The following KCTD8 variants were observed in gnomAD, a reference collection of about 807,000 sequenced individuals.
KCTD8 encodes potassium channel tetramerization domain containing 8, also known as BTB/POZ domain-containing protein KCTD8.
Under a neutral mutation model 31.5 loss-of-function variants are expected in KCTD8, and 27 were observed. That is an observed-to-expected ratio of 0.86 (90% CI 0.63 to 1.18). KCTD8 has a LOEUF of 1.18. Among genes scored for constraint, KCTD8 ranks in the 50% most tolerant of loss-of-function variants. The pLI, the probability that KCTD8 is intolerant of heterozygous loss-of-function variation, is 0.00. For missense variants in KCTD8, 658 were observed against 647.7 expected (o/e 1.02, Z -0.17); for synonymous variants, 290 against 280.0 (o/e 1.04, Z -0.36).
At chr4:44,225,155 C>A (rs774394252) in intron 1 of KCTD8, among the ~76,000 whole-genome samples, 3 of 152,240 alleles carry the variant, frequency 2.0e-5, no homozygotes, top group Non-Finnish European at 2.9e-5. Flanking sequence ...ATCAGATAAG[C>A]TCTATCCCAC....
intron 1 of KCTD8, among the ~76,000 whole-genome samples, chr4:44,182,764 A>G (rs1396263344): frequency 6.6e-6 from 1 of 152,168 alleles, no homozygotes; most frequent in Non-Finnish European, 1.5e-5. Flanking sequence ...CCTCTGCAAG[A>G]AACACCCAAG....
chr4:44,187,990 C>CACACAT (rs1553891508), intron 1 of KCTD8, among the ~76,000 whole-genome samples: 2 of 142,142 alleles, frequency 1.4e-5, no homozygotes, highest in African/African-American at 5.3e-5. Flanking sequence ...CACACACACA[C>CACACAT]ATATATATAT....
At chr4:44,222,090 T>C (rs1560398702) in intron 1 of KCTD8, among the ~76,000 whole-genome samples, 1 of 152,176 alleles carries the variant, frequency 6.6e-6, no homozygotes, top group Admixed American at 6.5e-5. Context: ...TCAGGAATGA[T>C]CTCTTTAAAT....
chr4:44,434,472 AGG>A (rs932732366), intron 1 of KCTD8, among the ~76,000 whole-genome samples: 2 of 151,930 alleles, frequency 1.3e-5, no homozygotes, highest in African/African-American at 2.4e-5. Context: ...TATTAACTAA[AGG>A]AAATAGGGTA....
chr4:44,191,563 T>C (rs534632638), intron 1 of KCTD8, among the ~76,000 whole-genome samples: 1 of 152,242 alleles, frequency 6.6e-6, no homozygotes, highest in African/African-American at 2.4e-5. Context: ...AAAAGAATTG[T>C]ATTCCTGGGA....
chr4:44,439,252 A>G (rs1196767412), intron 1 of KCTD8, among the ~76,000 whole-genome samples: 1 of 152,150 alleles, frequency 6.6e-6, no homozygotes, highest in Non-Finnish European at 1.5e-5. Context: ...CAAAATAACA[A>G]AACTGAGTGG....
intron 1 of KCTD8, among the ~76,000 whole-genome samples, chr4:44,228,207 C>T (rs987045224): frequency 6.6e-6 from 1 of 152,140 alleles, no homozygotes; most frequent in African/African-American, 2.4e-5. Flanking sequence ...GGCTAGAATT[C>T]TGAGATCAAG....
At chr4:44,309,192 T>A (rs1013656822) in intron 1 of KCTD8, among the ~76,000 whole-genome samples, 2 of 151,964 alleles carry the variant, frequency 1.3e-5, no homozygotes, top group African/African-American at 4.8e-5. Flanking sequence ...TACACCACTA[T>A]GTCTGGCTAA....
rs573697973 is a variant in KCTD8 at position 44,322,304 on chromosome 4, T to G, written c.961+125259A>C. On this transcript the variant is annotated intron_variant, in intron 1 of 1. Coordinates refer to ENST00000360029, the MANE Select transcript of KCTD8 (RefSeq NM_198353.3). ...AATAGCCATTTTAACTGGAATAAGA[T>G]GATATTGTATTGTGGTTTTGATTTG... Among the ~76,000 whole-genome samples the G allele has an allele frequency of 2.2e-4, 33 of 152,178 alleles. 1 individual carries two copies. Among genetic ancestry groups the G allele is most frequent in the African/African-American group, 7.7e-4 (32 of 41,446 alleles).
intron 1 of KCTD8, among the ~76,000 whole-genome samples, chr4:44,186,804 A>G (rs1191995840): frequency 6.6e-6 from 1 of 152,242 alleles, no homozygotes; most frequent in African/African-American, 2.4e-5. Flanking sequence ...CTGAAGCATC[A>G]CCACATGGCT....
In KCTD8 at chr4:44,448,526, T is replaced by C. The variant is rs1577677182; in HGVS notation, c.-3A>G. 6.9e-7 allele frequency: 1 copy of C among 1,448,198 alleles called. No homozygotes were observed. The allele number at this position is 1,448,198 out of a possible 1,614,324, so 89.7% of individuals were successfully genotyped here. A position where few individuals can be genotyped will look rare whatever the true frequency, so the allele number is the denominator to read the frequency against. ...CTGCCCGTGTCCTTCAGAGCCATAG[T>C]CCCCCCGCCGCCGGCCCAGTGACCC... On this transcript the variant is annotated 5_prime_UTR_variant, in exon 1 of 2. Coordinates refer to ENST00000360029, the MANE Select transcript of KCTD8 (RefSeq NM_198353.3). This position sits in a 1 kb window ranked among gnomAD's most constrained non-coding sequence, Gnocchi z 4.1.
At chr4:44,321,337 C>T (rs775154416) in intron 1 of KCTD8, among the ~76,000 whole-genome samples, 5 of 152,192 alleles carry the variant, frequency 3.3e-5, no homozygotes, top group Non-Finnish European at 5.9e-5. Flanking sequence ...CCATGTTCCT[C>T]AACTTGATGG....
At chr4:44,288,748 A>G (rs1717175042) in intron 1 of KCTD8, among the ~76,000 whole-genome samples, 1 of 152,032 alleles carries the variant, frequency 6.6e-6, no homozygotes, top group South Asian at 2.1e-4. Context: ...CTGTTTTTAT[A>G]TGAAAAAGTA....
chr4:44,309,284 C>T (rs1187142154), intron 1 of KCTD8, among the ~76,000 whole-genome samples: 3 of 152,008 alleles, frequency 2.0e-5, no homozygotes, highest in Non-Finnish European at 2.9e-5. Context: ...AGCCATCTGC[C>T]CACCTCGGCC....
chr4:44,291,770 A>G (rs1717281523), intron 1 of KCTD8, among the ~76,000 whole-genome samples: 1 of 152,150 alleles, frequency 6.6e-6, no homozygotes, highest in African/African-American at 2.4e-5. Context: ...AGCTAAAGAA[A>G]TCAACAAACA....
intron 1 of KCTD8, among the ~76,000 whole-genome samples, chr4:44,335,007 G>GTT (rs1718686688): frequency 1.3e-5 from 2 of 151,980 alleles, no homozygotes; most frequent in South Asian, 4.1e-4. Context: ...ATAAAAATAT[G>GTT]GTTTTAGATG....
intron 1 of KCTD8, among the ~76,000 whole-genome samples, chr4:44,392,667 G>A (rs1172838928): frequency 1.3e-5 from 2 of 151,936 alleles, no homozygotes; most frequent in Admixed American, 6.6e-5. Context: ...TCATGCTAAT[G>A]ATGAGATACT....
At chr4:44,437,316 C>T (rs1721683157) in intron 1 of KCTD8, among the ~76,000 whole-genome samples, 2 of 152,172 alleles carry the variant, frequency 1.3e-5, no homozygotes, top group South Asian at 2.1e-4. Flanking sequence ...TAAAGTCAGG[C>T]AATGCACATA....
At chr4:44,414,356 A>G (rs938136322) in intron 1 of KCTD8, among the ~76,000 whole-genome samples, 2 of 149,016 alleles carry the variant, frequency 1.3e-5, no homozygotes, top group African/African-American at 5.2e-5. Flanking sequence ...CCACAAAACA[A>G]TGTAATTCCC....
Sources: gnomAD v4.1 joint callset for allele counts (sites outside exome capture counted in the v4.1 genomes callset) on GRCh38, gnomAD v4.1.1 for gene constraint, Gnocchi (gnomAD v3.1) non-coding constraint, MANE v1.5 for transcripts, NCBI Gene and HGNC (gene_info 2026-07-23, HGNC 2026-07-21) for gene names.